NFASC: variants seen among roughly 807,000 people sequenced by gnomAD.
The protein encoded by NFASC is neurofascin homolog.
Under a neutral mutation model 147.5 loss-of-function variants are expected in NFASC, and 43 were observed. The ratio of observed to expected loss-of-function variants is 0.29; its 90% CI spans 0.23 to 0.38. NFASC has a LOEUF of 0.38. Ranked by LOEUF, NFASC falls within the 10% of genes least tolerant of loss-of-function variation. NFASC has a pLI of 1.00. For missense variants in NFASC, 1,320 were observed against 1,689.0 expected (o/e 0.78, Z 3.83); for synonymous variants, 622 against 665.5 (o/e 0.93, Z 1.01).
At chr1:204,832,413 A>G (rs1362240780) in intron 1 of NFASC, among the ~76,000 whole-genome samples, 5 of 152,102 alleles carry the variant, frequency 3.3e-5, no homozygotes, top group Admixed American at 6.5e-5. Context: ...GAGGACTGCA[A>G]GGTTCACACA....
intron 5 of NFASC, 23 bp downstream of exon 5, chr1:204,952,139 G>T (rs761933890): frequency 1.9e-6 from 3 of 1,556,158 alleles, no homozygotes; most frequent in Non-Finnish European, 2.7e-6. Context: ...GAAAAAGAGT[G>T]CATTGAAACC....
intron 1 of NFASC, among the ~76,000 whole-genome samples, chr1:204,873,498 A>C (rs1342395583): frequency 6.6e-6 from 1 of 152,204 alleles, no homozygotes; most frequent in African/African-American, 2.4e-5. Flanking sequence ...TCTGCCTTTG[A>C]GTCAGATGTG....
In NFASC at chr1:204,979,002, C is replaced by A. The variant is rs762869013; in HGVS notation, c.1911C>A (p.Thr637=). ...RPDRPRDLEL[T]DLAERSVRLT... is the part of the protein sequence containing the mutation. ...ACCGGCCCCGGGACCTGGAGCTGAC[C>A]GACCTGGCCGAGAGGAGCGTGCGGC... Residue 637 remains threonine (T), a synonymous_variant, in exon 18 of 30, where the codon ACC becomes ACA. Transcript: ENST00000339876. The surrounding 1 kb of genome is among the most constrained non-coding windows in gnomAD (Gnocchi z 6.0). 110 of 1,562,428 alleles carry A rather than the reference C, an allele frequency of 7.0e-5. No individual in the cohort carries two copies. In the Middle Eastern group the frequency reaches 1.3e-3, roughly 19 times the overall value.
chr1:204,985,375 G>A (rs115936358), intron 21 of NFASC, among the ~76,000 whole-genome samples: 4 of 152,310 alleles, frequency 2.6e-5, no homozygotes, highest in African/African-American at 7.2e-5. Flanking sequence ...AATATGAAAA[G>A]AAGTCATTTT....
chr1:204,994,736 A>G lies in NFASC; in HGVS notation c.2783-2434A>G, dbSNP rs559220895. Among the ~76,000 whole-genome samples, 13 of 152,244 alleles carry G rather than the reference A, an allele frequency of 8.5e-5. No individual in the cohort carries two copies. The South Asian group carries it at 2.7e-3, about 32-fold the overall frequency. ...AGTGGCTTGATCTCGGCTCACTGCA[A>G]CCTCCTCCAAAGGGAGTGTTTTCTA... On this transcript the variant is annotated intron_variant, in intron 24 of 29. Transcript: ENST00000339876.
chr1:204,952,260 A>C, intron 5 of NFASC, 144 bp downstream of exon 5: 2 of 645,452 alleles, frequency 3.1e-6, no homozygotes, highest in South Asian at 3.8e-5. Context: ...GGAAGGCATA[A>C]TTGAGGTACC....
intron 1 of NFASC, among the ~76,000 whole-genome samples, chr1:204,894,625 G>A (rs2083048683): frequency 6.6e-6 from 1 of 152,044 alleles, no homozygotes; most frequent in Admixed American, 6.6e-5. Context: ...CTGCCCTCCT[G>A]GCCTCCCCTT....
At chr1:205,008,074 G>A (rs962776387) in intron 27 of NFASC, among the ~76,000 whole-genome samples, 1 of 152,144 alleles carries the variant, frequency 6.6e-6, no homozygotes, top group African/African-American at 2.4e-5. Flanking sequence ...CAACCAGAGT[G>A]CAGAGGACAC....
chr1:204,904,609 A>G (rs2085379756), intron 1 of NFASC, among the ~76,000 whole-genome samples: 1 of 152,194 alleles, frequency 6.6e-6, no homozygotes, highest in Admixed American at 6.5e-5. Flanking sequence ...TTTGAGCTTC[A>G]TTCACATTTC....
chr1:204,865,197 A>G (rs1165420633), intron 1 of NFASC, among the ~76,000 whole-genome samples: 1 of 152,208 alleles, frequency 6.6e-6, no homozygotes, highest in Admixed American at 6.5e-5. Context: ...AACCCCATAT[A>G]TACTATGTTT....
In NFASC at chr1:204,957,803, C is replaced by T. The variant is rs1347061020; in HGVS notation, c.683C>T (p.Pro228Leu). 1.2e-6 allele frequency: 2 copies of T among 1,614,170 alleles called. No homozygotes were observed. Among genetic ancestry groups the T allele is most frequent in the Non-Finnish European group, 1.7e-6 (2 of 1,180,028 alleles). ...HFTHTIQQKNPFTLKVLTTRG... is the reference protein window; with the variant it reads ...HFTHTIQQKNLFTLKVLTTRG... Reference sequence around the variant, plus strand: ...ACCCACACCATCCAGCAGAAGAACCCTTTCACCCTCAAGGTCCTCACCAGT... The same window carrying T: ...ACCCACACCATCCAGCAGAAGAACCTTTTCACCCTCAAGGTCCTCACCAGT... The change falls in exon 8 of 30, where the codon CCT becomes CTT. Residue 228 changes from proline (P) to leucine (L), a missense_variant. Around this residue, in one of 3 missense-constraint regions of NFASC, gnomAD observed 981 missense variants for 1,289.5 expected, o/e 0.76. Coordinates refer to ENST00000339876, the MANE Select transcript of NFASC (RefSeq NM_001005388.3).
intron 1 of NFASC, among the ~76,000 whole-genome samples, chr1:204,901,840 G>A (rs1001687186): frequency 6.6e-6 from 1 of 152,082 alleles, no homozygotes; most frequent in Non-Finnish European, 1.5e-5. Context: ...CACTGTCCCT[G>A]GAGCAGACAG....
At chr1:204,866,019 G>T (rs1399526842) in intron 1 of NFASC, among the ~76,000 whole-genome samples, 1 of 152,196 alleles carries the variant, frequency 6.6e-6, no homozygotes, top group African/African-American at 2.4e-5. Context: ...CTGGTAGACT[G>T]CCCTAAAATT....
intron 11 of NFASC, among the ~76,000 whole-genome samples, chr1:204,972,978 C>G (rs1477517480): frequency 1.3e-5 from 2 of 152,184 alleles, no homozygotes; most frequent in Admixed American, 6.5e-5. Context: ...AACCAAAACT[C>G]CTTTCTGTTT....
Position 204,997,206 on chromosome 1 carries a change from C to T in NFASC, c.2819C>T (p.Thr940Met), listed in dbSNP as rs200364749. ...TTGCCCCCGACTACCGTGGGTGCGACGGGCGCTGTGAGCAGTACCGATGCT... is the reference window on the plus strand; with the variant it reads ...TTGCCCCCGACTACCGTGGGTGCGATGGGCGCTGTGAGCAGTACCGATGCT... Reference protein sequence around the residue: ...PTLPPTTVGATGAVSSTDATA... With the variant: ...PTLPPTTVGAMGAVSSTDATA... Residue 940 changes from threonine to methionine, a missense_variant, in exon 25 of 30, where the codon ACG becomes ATG. Thr to Met is a moderately conservative substitution (Grantham distance 81). Transcript: ENST00000339876. 1.4e-4 allele frequency: 219 copies of T among 1,613,760 alleles called. No homozygotes were observed. The highest frequency in any genetic ancestry group is 1.6e-4 in the Non-Finnish European group (188 of 1,179,758).
At chr1:204,850,419 G>C (rs1177259935) in intron 1 of NFASC, among the ~76,000 whole-genome samples, 1 of 152,178 alleles carries the variant, frequency 6.6e-6, no homozygotes, top group Admixed American at 6.5e-5. Flanking sequence ...CAGGTGTCTT[G>C]TTATCTGCTG....
rs2096227245 is a variant in NFASC at position 205,010,222 on chromosome 1, TG to T, written c.3421+537del. 1 of 156,668 alleles carries T rather than the reference TG, an allele frequency of 6.4e-6. No homozygotes were observed. The highest frequency in any genetic ancestry group is 1.4e-5 in the Non-Finnish European group (1 of 70,602). The allele number at this position is 156,668 out of a possible 1,614,324, so 9.7% of individuals were successfully genotyped here. ...GCGAGGAGCAGGGAGAGGCTGAAGA[TG>T]GGTGGCACTGGTAGGGACCCCCATG... On this transcript the variant is annotated intron_variant, in intron 28 of 29. Transcript: ENST00000339876. The surrounding 1 kb of genome is among the most constrained non-coding windows in gnomAD (Gnocchi z 4.1).
At chr1:204,969,144 G>A (rs142604444) in intron 10 of NFASC, among the ~76,000 whole-genome samples, 162 bp downstream of exon 10, 9 of 152,158 alleles carry the variant, frequency 5.9e-5, no homozygotes, top group Non-Finnish European at 1.0e-4. Context: ...CTCGCTGGAC[G>A]TGAGAGGGTG....
chr1:204,903,071 T>C (rs963398969), intron 1 of NFASC, among the ~76,000 whole-genome samples: 2 of 152,248 alleles, frequency 1.3e-5, no homozygotes, highest in African/African-American at 4.8e-5. Context: ...ACCAGAATTA[T>C]GTCTTTGCTT....
Sources: allele counts gnomAD v4.1 joint callset (sites outside exome capture counted in the v4.1 genomes callset), GRCh38; gene constraint gnomAD v4.1.1; regional missense constraint gnomAD v4.1.1; non-coding constraint Gnocchi (gnomAD v3.1); transcripts MANE v1.5; gene names NCBI Gene and HGNC (gene_info 2026-07-23, HGNC 2026-07-21).